Variants in TOP6BL observed in about 807,000 individuals in gnomAD.
TOP6BL encodes TOP6B like initiator of meiotic double strand breaks, also known as type 2 DNA topoisomerase 6 subunit B-like.
the TOP6BL span, among the ~76,000 whole-genome samples, chr11:66,790,427 C>T: frequency 6.6e-6 from 1 of 152,088 alleles, no homozygotes; most frequent in Admixed American, 6.6e-5. Flanking sequence ...GCATCTAATC[C>T]ATGGGAAGAG....
At chr11:66,776,516 A>G in the TOP6BL span, among the ~76,000 whole-genome samples, 4 of 152,136 alleles carry the variant, frequency 2.6e-5, no homozygotes, top group African/African-American at 7.2e-5. Context: ...GGCCGGGAGC[A>G]GTGGCTCATG....
chr11:66,828,860 C>T, the TOP6BL span: 9 of 152,586 alleles, frequency 5.9e-5, no homozygotes, highest in African/African-American at 1.9e-4. Context: ...AGGAGACCAT[C>T]ACAAAACCAG....
chr11:66,822,412 G>A, the TOP6BL span, among the ~76,000 whole-genome samples: 1 of 152,178 alleles, frequency 6.6e-6, no homozygotes, highest in East Asian at 1.9e-4. Context: ...GTGTTATGAT[G>A]TAAAAATATG....
At chr11:66,757,441 C>T in the TOP6BL span, among the ~76,000 whole-genome samples, 1 of 152,170 alleles carries the variant, frequency 6.6e-6, no homozygotes, top group Admixed American at 6.6e-5. Context: ...TATCCAGAAT[C>T]ACTTAAAATC....
chr11:66,796,457 G>T, the TOP6BL span: 3 of 933,246 alleles, frequency 3.2e-6, no homozygotes, highest in South Asian at 3.6e-5. Context: ...GATGTGATTG[G>T]TTCTTTTTCT....
At chr11:66,812,927 C>T in the TOP6BL span, among the ~76,000 whole-genome samples, 1 of 151,982 alleles carries the variant, frequency 6.6e-6, no homozygotes, top group African/African-American at 2.4e-5. Context: ...ATTATCTGGC[C>T]CAAAGTGTCA....
At chr11:66,797,025 A>T in the TOP6BL span, among the ~76,000 whole-genome samples, 1 of 146,096 alleles carries the variant, frequency 6.8e-6, no homozygotes, top group African/African-American at 2.5e-5. Flanking sequence ...TTTGAGACAG[A>T]GTCTTACTCT....
chr11:66,802,582 G>C, the TOP6BL span, among the ~76,000 whole-genome samples: 1 of 152,112 alleles, frequency 6.6e-6, no homozygotes, highest in African/African-American at 2.4e-5. Context: ...ACAGATGTGA[G>C]CCAATGTGTC....
the TOP6BL span, among the ~76,000 whole-genome samples, chr11:66,804,881 C>G: frequency 2.0e-5 from 3 of 151,844 alleles, no homozygotes; most frequent in Non-Finnish European, 2.9e-5. Context: ...ACCAGCCTGG[C>G]CAACATGGTG....
At chr11:66,823,443 G>T in the TOP6BL span, among the ~76,000 whole-genome samples, 36 of 152,254 alleles carry the variant, frequency 2.4e-4, no homozygotes, top group African/African-American at 8.7e-4. Flanking sequence ...ATATTTGTTG[G>T]AATAGTAGTA....
At chr11:66,792,708 C>A in the TOP6BL span, among the ~76,000 whole-genome samples, 1 of 152,158 alleles carries the variant, frequency 6.6e-6, no homozygotes, top group Admixed American at 6.6e-5. Context: ...ATAGAAACTG[C>A]TTGACATGTA....
the TOP6BL span, among the ~76,000 whole-genome samples, chr11:66,796,785 GAAA>G: frequency 1.0e-5 from 1 of 95,434 alleles, no homozygotes; most frequent in Non-Finnish European, 2.2e-5. Context: ...CCTGTCTTTG[GAAA>G]AAAAAAAAAA....
At chr11:66,843,382 GCCGCGCCGCGGCCTGACGTCACCCACAC>G in the TOP6BL span, 1 of 1,431,982 alleles carries the variant, frequency 7.0e-7, no homozygotes, top group Admixed American at 2.9e-5. Flanking sequence ...GGGGCGTGGA[GCCGCGCCGCGGCCTGACGTCACCCACAC>G]CTCCCTGGGA....
chr11:66,837,997 G>T, the TOP6BL span, among the ~76,000 whole-genome samples: 1 of 152,148 alleles, frequency 6.6e-6, no homozygotes, highest in Non-Finnish European at 1.5e-5. Flanking sequence ...AGTGATAAAG[G>T]CATGATGGCC....
At chr11:66,803,122 C>G in the TOP6BL span, among the ~76,000 whole-genome samples, 1 of 152,158 alleles carries the variant, frequency 6.6e-6, no homozygotes, top group Non-Finnish European at 1.5e-5. Context: ...CCTCAGACCT[C>G]TTCAGCGGAA....
chr11:66,779,489 G>T, the TOP6BL span, among the ~76,000 whole-genome samples: 1 of 152,098 alleles, frequency 6.6e-6, no homozygotes, highest in South Asian at 2.1e-4. Context: ...TTAGAATGGC[G>T]ATCATTAAAA....
chr11:66,805,413 A>G, the TOP6BL span, among the ~76,000 whole-genome samples: 36 of 152,020 alleles, frequency 2.4e-4, no homozygotes, highest in East Asian at 5.4e-3. Context: ...TTTCTATTCT[A>G]TGTCTGTCTA....
At chr11:66,775,964 A>T in the TOP6BL span, among the ~76,000 whole-genome samples, 1 of 151,846 alleles carries the variant, frequency 6.6e-6, no homozygotes, top group Non-Finnish European at 1.5e-5. Flanking sequence ...ATTAATTTGG[A>T]TAATTTATCT....
At chr11:66,821,362 A>G in the TOP6BL span, among the ~76,000 whole-genome samples, 1 of 147,068 alleles carries the variant, frequency 6.8e-6, no homozygotes, top group African/African-American at 2.5e-5. Context: ...ATCTTGGCTC[A>G]CTGCAAGCTC....
Sources: gnomAD v4.1 joint callset for allele counts (sites outside exome capture counted in the v4.1 genomes callset) on GRCh38, gnomAD v4.1.1 for gene constraint, MANE v1.5 for transcripts, NCBI Gene and HGNC (gene_info 2026-07-23, HGNC 2026-07-21) for gene names.